Variants in BCL9 observed in about 807,000 individuals in gnomAD.
BCL9 encodes the protein B-cell CLL/lymphoma 9 protein.
A neutral mutation model predicts 88.5 loss-of-function variants in BCL9; 25 were observed. The ratio of observed to expected loss-of-function variants is 0.28; its 90% CI spans 0.21 to 0.39. The LOEUF (loss-of-function observed/expected upper bound fraction) is 0.39. Ranked by LOEUF, BCL9 falls within the 10% of genes least tolerant of loss-of-function variation. The pLI, the probability that BCL9 is intolerant of heterozygous loss-of-function variation, is 1.00. For synonymous variants in BCL9, 711 were observed against 673.3 expected (o/e 1.06, Z -0.87); for missense variants, 1,817 against 1,877.8 (o/e 0.97, Z 0.60).
At chr1:147,552,991 A>G (rs1002949744) in intron 1 of BCL9, among the ~76,000 whole-genome samples, 1 of 148,040 alleles carries the variant, frequency 6.8e-6, no homozygotes, top group Non-Finnish European at 1.5e-5. Context: ...TTTTTTTTAC[A>G]TACAATACCA....
chr1:147,611,399 G>GA (rs1657993010), intron 3 of BCL9, among the ~76,000 whole-genome samples, 179 bp from the exon 4 acceptor site: 1 of 152,162 alleles, frequency 6.6e-6, no homozygotes, highest in Admixed American at 6.5e-5. Context: ...CCCTCCAGCT[G>GA]GTGTGGCCCC....
At chr1:147,561,391 C>A (rs1470646877) in intron 1 of BCL9, among the ~76,000 whole-genome samples, 1 of 152,136 alleles carries the variant, frequency 6.6e-6, no homozygotes, top group African/African-American at 2.4e-5. Flanking sequence ...GTTCTGACAT[C>A]CATTCCATGT....
chr1:147,605,627 T>G (rs1657659502), intron 2 of BCL9, among the ~76,000 whole-genome samples: 1 of 152,254 alleles, frequency 6.6e-6, no homozygotes, highest in African/African-American at 2.4e-5. Context: ...ATATTTTGCT[T>G]GGACCAAGGT....
rs782417806 is a variant in BCL9 at position 147,620,120 on chromosome 1, C to T, written c.1965C>T (p.Ser655=). The T allele has an allele frequency of 5.6e-6, 9 of 1,614,062 alleles. No homozygotes were observed. Among genetic ancestry groups the T allele is most frequent in the Non-Finnish European group, 7.6e-6 (9 of 1,180,044 alleles). The part of the protein sequence containing the change: ...PGMAMEGIRP[S]MEMNRMIPGS... ...TGGCCATGGAAGGCATCAGGCCCAGCATGGAGATGAACAGGATGATTCCAG... is the reference window on the plus strand; with the variant it reads ...TGGCCATGGAAGGCATCAGGCCCAGTATGGAGATGAACAGGATGATTCCAG... The change falls in exon 8 of 10, where the codon AGC becomes AGT. Residue 655 remains serine, a synonymous_variant. Coordinates refer to ENST00000234739, the MANE Select transcript of BCL9 (RefSeq NM_004326.4).
chr1:147,554,006 A>G (rs1357489004), intron 1 of BCL9, among the ~76,000 whole-genome samples: 1 of 152,188 alleles, frequency 6.6e-6, no homozygotes, highest in Non-Finnish European at 1.5e-5. Context: ...CAGGAAAAAG[A>G]TCTTGGATTC....
intron 7 of BCL9, among the ~76,000 whole-genome samples, chr1:147,616,664 G>T (rs969859047): frequency 2.0e-5 from 3 of 152,102 alleles, no homozygotes; most frequent in African/African-American, 4.8e-5. Context: ...CTACTTGGGA[G>T]GCTGAGGCAG....
intron 1 of BCL9, among the ~76,000 whole-genome samples, chr1:147,545,167 C>A (rs1412694237): frequency 1.3e-5 from 2 of 152,100 alleles, no homozygotes; most frequent in South Asian, 4.1e-4. Context: ...TTCTACATAC[C>A]CAGCATTGTT....
chr1:147,556,083 G>C (rs1372666177), intron 1 of BCL9, among the ~76,000 whole-genome samples: 1 of 152,034 alleles, frequency 6.6e-6, no homozygotes, highest in Non-Finnish European at 1.5e-5. Flanking sequence ...AGCAGATTGA[G>C]GGTCTTACAT....
chr1:147,553,558 C>T (rs1303526520), intron 1 of BCL9, among the ~76,000 whole-genome samples: 1 of 152,168 alleles, frequency 6.6e-6, no homozygotes, highest in African/African-American at 2.4e-5. Flanking sequence ...AGCAGAGTTC[C>T]TCTCCTTACA....
intron 1 of BCL9, among the ~76,000 whole-genome samples, chr1:147,543,971 A>G (rs1553194041): frequency 6.6e-6 from 1 of 152,158 alleles, no homozygotes. Flanking sequence ...TGGTACAAAT[A>G]TGCAAACATG....
intron 1 of BCL9, among the ~76,000 whole-genome samples, chr1:147,549,979 C>T (rs1654813602): frequency 6.6e-6 from 1 of 152,198 alleles, no homozygotes; most frequent in Admixed American, 6.5e-5. Flanking sequence ...ACTCTCTCTA[C>T]TCTTCCCACT....
Position 147,622,326 on chromosome 1 carries a change from T to C in BCL9, c.2958T>C (p.Ser986=), listed in dbSNP as rs781837867. Residue 986 remains serine, a synonymous_variant, in exon 9 of 10, where the codon AGT becomes AGC. Coordinates refer to ENST00000234739, the MANE Select transcript of BCL9 (RefSeq NM_004326.4). ...SQPASVNIPG[S]LPSSTPYTMP... ...CTGCCTCTGTGAATATCCCTGGAAGTCTTCCCTCTAGTACACCTTATACCA... is the reference window on the plus strand; with the variant it reads ...CTGCCTCTGTGAATATCCCTGGAAGCCTTCCCTCTAGTACACCTTATACCA... The C allele has an allele frequency of 1.9e-6, 3 of 1,614,164 alleles. No homozygotes were observed. Among genetic ancestry groups the C allele is most frequent in the South Asian group, 1.1e-5 (1 of 91,082 alleles).
intron 1 of BCL9, among the ~76,000 whole-genome samples, chr1:147,554,988 T>C (rs1655042271): frequency 6.6e-6 from 1 of 152,162 alleles, no homozygotes; most frequent in Non-Finnish European, 1.5e-5. Context: ...TAAAACATTT[T>C]CTTCATCTCA....
chr1:147,564,654 A>G (rs1655524618), intron 1 of BCL9, among the ~76,000 whole-genome samples: 1 of 152,208 alleles, frequency 6.6e-6, no homozygotes, highest in African/African-American at 2.4e-5. Context: ...AAAGTTAATT[A>G]CAACTGTAAG....
intron 1 of BCL9, among the ~76,000 whole-genome samples, chr1:147,547,905 C>A (rs1395482792): frequency 6.6e-6 from 1 of 152,146 alleles, no homozygotes; most frequent in Non-Finnish European, 1.5e-5. Context: ...TGTTGCCAAT[C>A]TAATTTTTAA....
chr1:147,609,180 G>A (rs1553202337), intron 3 of BCL9, among the ~76,000 whole-genome samples: 2 of 152,174 alleles, frequency 1.3e-5, no homozygotes. Context: ...TAATGATTCT[G>A]TGGAGGATCC....
chr1:147,602,590 G>A (rs958598847), intron 1 of BCL9, among the ~76,000 whole-genome samples: 1 of 152,204 alleles, frequency 6.6e-6, no homozygotes, highest in Non-Finnish European at 1.5e-5. Context: ...TTATGACTTA[G>A]AGATTTGGAA....
intron 4 of BCL9, 149 bp from the exon 5 acceptor site, chr1:147,612,734 G>C: frequency 1.3e-6 from 1 of 742,978 alleles, no homozygotes. Context: ...CAGGGGTGGC[G>C]GGAGCAAGCA....
In BCL9 at chr1:147,560,848, T is replaced by C. The variant is rs951228686; in HGVS notation, c.-478+19174T>C. On this transcript the variant is annotated intron_variant, in intron 1 of 9. Transcript: ENST00000234739. ...ATTCTCAGACATAATTAATAATAGA[T>C]GGTTTACAATATATTAACAATATAT... 2.3e-4 allele frequency among the ~76,000 whole-genome samples: 35 copies of C among 152,174 alleles called. 1 individual carries two copies. Among genetic ancestry groups the C allele is most frequent in the Admixed American group, 1.9e-3 (29 of 15,282 alleles).
Sources: gnomAD v4.1 joint callset for allele counts (sites outside exome capture counted in the v4.1 genomes callset) on GRCh38, gnomAD v4.1.1 for gene constraint, MANE v1.5 for transcripts, NCBI Gene and HGNC (gene_info 2026-07-23, HGNC 2026-07-21) for gene names.